Variants in GRM4 observed in about 807,000 individuals in gnomAD.
GRM4 encodes glutamate metabotropic receptor 4, also known as metabotropic glutamate receptor 4.
GRM4 carries 28 observed loss-of-function variants against 81.7 expected under a neutral mutation model. That is an observed-to-expected ratio of 0.34 (90% CI 0.25 to 0.47). GRM4 has a LOEUF of 0.47. Ranked by LOEUF, GRM4 falls within the 20% of genes least tolerant of loss-of-function variation. The pLI, the probability that GRM4 is intolerant of heterozygous loss-of-function variation, is 1.00. For synonymous variants in GRM4, 488 were observed against 528.8 expected, an observed-to-expected ratio of 0.92 and a Z score of 1.06; for missense variants, 948 against 1,290.0, an observed-to-expected ratio of 0.73 and a Z score of 4.06.
In GRM4 at chr6:34,035,895, A is replaced by G; in HGVS notation, c.2215T>C (p.Phe739Leu). The G allele has an allele frequency of 6.2e-7, 1 of 1,608,058 alleles. No individual in the cohort carries two copies. The highest frequency in any genetic ancestry group is 2.2e-5 in the East Asian group (1 of 44,664). The change falls in exon 9 of 11, where the codon TTC becomes CTC. Residue 739 changes from phenylalanine (F) to leucine (L), a missense_variant. Transcript: ENST00000538487. The surrounding 1 kb of genome is among the most constrained non-coding windows in gnomAD (Gnocchi z 6.6). ...FQDQRTLDPR[F>L]ARGVLKCDIS... ...TCACACTTGAGCACACCCCTGGCGA[A>G]GCGGGGGTCGAGTGTCCGCTGGTCC...
intron 6 of GRM4, among the ~76,000 whole-genome samples, chr6:34,053,949 T>C (rs1457138159): frequency 5.3e-5 from 8 of 152,150 alleles, no homozygotes; most frequent in Non-Finnish European, 1.0e-4. Flanking sequence ...GGTGGCGCCC[T>C]GGTATGGTGT....
upstream of GRM4, among the ~76,000 whole-genome samples, chr6:34,150,728 A>G (rs1276364363): frequency 6.6e-6 from 1 of 152,218 alleles, no homozygotes; most frequent in East Asian, 1.9e-4. Flanking sequence ...GGGAGGGAAT[A>G]TGAGAAAGGA....
chr6:34,029,444 C>G (rs533640917), intron 9 of GRM4, among the ~76,000 whole-genome samples: 1 of 152,256 alleles, frequency 6.6e-6, no homozygotes, highest in East Asian at 1.9e-4. Flanking sequence ...CTGGCAGTAC[C>G]CCCCATGTAG....
intron 6 of GRM4, among the ~76,000 whole-genome samples, chr6:34,044,400 A>T (rs1765201984): frequency 6.6e-6 from 1 of 151,912 alleles, no homozygotes; most frequent in African/African-American, 2.4e-5. Flanking sequence ...ACATACATAC[A>T]CATATATACA....
intron 1 of GRM4, among the ~76,000 whole-genome samples, chr6:34,137,050 C>T (rs1019496671): frequency 1.3e-5 from 2 of 152,142 alleles, no homozygotes; most frequent in South Asian, 2.1e-4. Context: ...AAAGTCCTTG[C>T]CCAGTTTTCA....
intron 2 of GRM4, among the ~76,000 whole-genome samples, chr6:34,124,474 C>T (rs949665390): frequency 1.3e-5 from 2 of 152,220 alleles, no homozygotes; most frequent in African/African-American, 4.8e-5. Context: ...CTTCCCACTG[C>T]CTGCCGTCTC....
chr6:34,022,620 C>T lies in GRM4; in HGVS notation c.*201G>A. On this transcript the variant is annotated 3_prime_UTR_variant, in exon 11 of 11. Transcript: ENST00000538487. This position sits in a 1 kb window ranked among gnomAD's most constrained non-coding sequence, Gnocchi z 5.6. ...TTGTGGTAGCCTGGCACCGCCCCGGCCCCTCGTCCTCCTGTTGCTCACCCG... is the reference window on the plus strand; with the variant it reads ...TTGTGGTAGCCTGGCACCGCCCCGGTCCCTCGTCCTCCTGTTGCTCACCCG... 3.3e-6 allele frequency: 2 copies of T among 600,726 alleles called. No homozygotes were observed. The highest frequency in any genetic ancestry group is 2.0e-5 in the South Asian group (1 of 51,278). The allele number at this position is 600,726 out of a possible 1,614,324, so 37.2% of individuals were successfully genotyped here.
At position 34,064,668 on chromosome 6, in the gene GRM4, C is replaced by A. The variant is rs544225780; in HGVS notation, c.737-2640G>T. On this transcript the variant is annotated intron_variant, in intron 3 of 10. Coordinates refer to ENST00000538487, the MANE Select transcript of GRM4 (RefSeq NM_000841.4). The surrounding 1 kb of genome is among the most constrained non-coding windows in gnomAD (Gnocchi z 4.4). ...GTGGGTAAAGGAACTGGCTCACAAGCCAGGCCCTCTCCTGGGATGACACAA... is the reference window on the plus strand; with the variant it reads ...GTGGGTAAAGGAACTGGCTCACAAGACAGGCCCTCTCCTGGGATGACACAA... Among the ~76,000 whole-genome samples, 2 of 152,312 alleles carry A rather than the reference C, an allele frequency of 1.3e-5. No individual in the cohort carries two copies. The highest frequency in any genetic ancestry group is 2.9e-5 in the Non-Finnish European group (2 of 68,012).
chr6:34,083,924 A>G (rs964314294), intron 3 of GRM4, among the ~76,000 whole-genome samples: 2 of 152,104 alleles, frequency 1.3e-5, no homozygotes, highest in Non-Finnish European at 2.9e-5. Context: ...ATTGGCCCCA[A>G]TCATTCCTGA....
intron 1 of GRM4, among the ~76,000 whole-genome samples, chr6:34,138,596 C>T (rs555574328): frequency 1.6e-4 from 25 of 152,368 alleles, no homozygotes; most frequent in East Asian, 1.9e-4. Flanking sequence ...CGGGCCCCCA[C>T]TGGCTGGGCA....
intron 3 of GRM4, among the ~76,000 whole-genome samples, chr6:34,087,393 TGG>T (rs1233050653): frequency 1.4e-5 from 2 of 139,994 alleles, no homozygotes; most frequent in Admixed American, 7.7e-5. Context: ...CACTCCAGCC[TGG>T]GTGACAGAGC....
chr6:34,023,043 C>A (rs1052816208), intron 10 of GRM4, among the ~76,000 whole-genome samples, 173 bp from the exon 11 acceptor site: 1 of 152,260 alleles, frequency 6.6e-6, no homozygotes, highest in African/African-American at 2.4e-5. Context: ...CCCCGCCTGG[C>A]CCACCCGGTT....
intron 2 of GRM4, among the ~76,000 whole-genome samples, chr6:34,124,021 C>T (rs1769919651): frequency 6.6e-6 from 1 of 152,222 alleles, no homozygotes; most frequent in Non-Finnish European, 1.5e-5. Context: ...AGGGAGCTCT[C>T]ACCTCCGTGG....
At chr6:34,112,476 G>C (rs1428531204) in intron 2 of GRM4, among the ~76,000 whole-genome samples, 1 of 152,148 alleles carries the variant, frequency 6.6e-6, no homozygotes, top group Non-Finnish European at 1.5e-5. Flanking sequence ...TCCTGAGGTG[G>C]GAGAGAGGGA....
rs78860211 is a variant in GRM4, at chr6:34,070,042, G to C, written c.737-8014C>G. Among the ~76,000 whole-genome samples the C allele has an allele frequency of 6.6e-6, 1 of 152,082 alleles. No homozygotes were observed. The highest frequency in any genetic ancestry group is 1.5e-5 in the Non-Finnish European group (1 of 67,980). On this transcript the variant is annotated intron_variant, in intron 3 of 10. Coordinates refer to ENST00000538487, the MANE Select transcript of GRM4 (RefSeq NM_000841.4). This position sits in a 1 kb window ranked among gnomAD's most constrained non-coding sequence, Gnocchi z 4.6. ...ATGGAGAACTGAGTTCCTGACTGAC[G>C]GGGTTTTGAAGGGACAGCTCGGCAG...
chr6:34,085,430 T>C (rs1201546192), intron 3 of GRM4, among the ~76,000 whole-genome samples: 2 of 151,892 alleles, frequency 1.3e-5, no homozygotes, highest in African/African-American at 4.8e-5. Flanking sequence ...CCTCAGTGAG[T>C]CAGTAGAGAG....
At chr6:34,131,385 T>C (rs1019051626) in intron 2 of GRM4, among the ~76,000 whole-genome samples, 7 of 152,204 alleles carry the variant, frequency 4.6e-5, no homozygotes, top group African/African-American at 1.4e-4. Flanking sequence ...TCCATTTGCT[T>C]TAAAATTAAA....
chr6:34,067,576 C>T (rs1164778214), intron 3 of GRM4, among the ~76,000 whole-genome samples: 9 of 148,078 alleles, frequency 6.1e-5, no homozygotes, highest in Non-Finnish European at 1.0e-4. Flanking sequence ...CTTCCTCTCT[C>T]CCTCCTTTCC....
intron 6 of GRM4, among the ~76,000 whole-genome samples, chr6:34,050,166 C>A (rs1037781591): frequency 6.6e-6 from 1 of 152,206 alleles, no homozygotes; most frequent in African/African-American, 2.4e-5. Flanking sequence ...CAGGCATGAG[C>A]CCACCCCAGG....
Sources: allele counts gnomAD v4.1 joint callset (sites outside exome capture counted in the v4.1 genomes callset), GRCh38; gene constraint gnomAD v4.1.1; non-coding constraint Gnocchi (gnomAD v3.1); transcripts MANE v1.5; gene names NCBI Gene and HGNC (gene_info 2026-07-23, HGNC 2026-07-21).